SCAMP1: variants seen among roughly 807,000 people sequenced by gnomAD.
SCAMP1 encodes secretory carrier membrane protein 1, also known as secretory carrier-associated membrane protein 1.
Under a neutral mutation model 41.8 loss-of-function variants are expected in SCAMP1, and 15 were observed. That is an observed-to-expected ratio of 0.36 (90% CI 0.24 to 0.55). SCAMP1 has a LOEUF of 0.55. Among genes scored for constraint, SCAMP1 ranks in the 20% least tolerant of loss-of-function variants. SCAMP1 has a pLI of 0.86. For missense variants in SCAMP1, 341 were observed against 412.6 expected, an observed-to-expected ratio of 0.83 and a Z score of 1.50; for synonymous variants, 135 against 136.8, an observed-to-expected ratio of 0.99 and a Z score of 0.09.
At chr5:78,377,191 A>G (rs764591528) in intron 1 of SCAMP1, among the ~76,000 whole-genome samples, 1 of 152,190 alleles carries the variant, frequency 6.6e-6, no homozygotes, top group Non-Finnish European at 1.5e-5. Flanking sequence ...ACCAGTTAAA[A>G]TAACAGTAAC....
intron 1 of SCAMP1, among the ~76,000 whole-genome samples, chr5:78,367,504 A>G (rs968668934): frequency 6.6e-6 from 1 of 152,188 alleles, no homozygotes; most frequent in Non-Finnish European, 1.5e-5. Flanking sequence ...TCTACTAGTA[A>G]TAAATGGGCT....
intron 1 of SCAMP1, among the ~76,000 whole-genome samples, chr5:78,382,958 A>G (rs1219267445): frequency 1.3e-5 from 2 of 151,292 alleles, no homozygotes; most frequent in Non-Finnish European, 2.9e-5. Context: ...CTTTGGATTG[A>G]TATCCAGGAG....
Position 78,445,770 on chromosome 5 carries a change from G to A in SCAMP1, c.633-4163G>A, listed in dbSNP as rs370729627. Among the ~76,000 whole-genome samples the A allele has an allele frequency of 3.9e-5, 6 of 152,096 alleles. No individual in the cohort carries two copies. In the East Asian group the frequency reaches 7.7e-4, roughly 20 times the overall value. On this transcript the variant is annotated intron_variant, in intron 6 of 8. Transcript: ENST00000621999. ...CATCTGAAAGGAACTTGATATTCAC[G>A]TGATGATTGTATTGCTTCATTTTGT...
intron 6 of SCAMP1, among the ~76,000 whole-genome samples, chr5:78,425,825 A>G (rs1172766798): frequency 6.6e-6 from 1 of 152,148 alleles, no homozygotes; most frequent in Admixed American, 6.5e-5. Flanking sequence ...CATGCGCAGA[A>G]TGTGCAGGTC....
intron 6 of SCAMP1, among the ~76,000 whole-genome samples, chr5:78,424,806 A>T (rs1374885632): frequency 6.6e-6 from 1 of 152,228 alleles, no homozygotes; most frequent in Non-Finnish European, 1.5e-5. Context: ...ATGCAAATAC[A>T]TCAAAATATT....
At chr5:78,467,085 G>A (rs1290463457) in intron 8 of SCAMP1, among the ~76,000 whole-genome samples, 1 of 152,126 alleles carries the variant, frequency 6.6e-6, no homozygotes, top group Non-Finnish European at 1.5e-5. Context: ...AACTGGTGGG[G>A]CATTAAAATA....
chr5:78,438,326 T>C (rs1045446540), intron 6 of SCAMP1, among the ~76,000 whole-genome samples: 52 of 152,360 alleles, frequency 3.4e-4, no homozygotes, highest in African/African-American at 1.2e-3. Context: ...TTTTAGATCT[T>C]TCCTGCTTTC....
intron 6 of SCAMP1, among the ~76,000 whole-genome samples, chr5:78,445,316 T>C (rs1753027077): frequency 6.6e-6 from 1 of 152,250 alleles, no homozygotes; most frequent in African/African-American, 2.4e-5. Flanking sequence ...CAGTAGGCTT[T>C]GATCTGAAAG....
chr5:78,392,724 T>C (rs767316812), intron 2 of SCAMP1, among the ~76,000 whole-genome samples: 1 of 152,244 alleles, frequency 6.6e-6, no homozygotes, highest in Non-Finnish European at 1.5e-5. Flanking sequence ...CATTTTCCTC[T>C]GCACTGTTAA....
chr5:78,414,525 C>G (rs1283942770), intron 2 of SCAMP1, among the ~76,000 whole-genome samples: 3 of 152,150 alleles, frequency 2.0e-5, no homozygotes, highest in African/African-American at 7.2e-5. Flanking sequence ...TTGTGATCCA[C>G]TTGCCTCGGC....
chr5:78,367,437 G>A (rs532640427), intron 1 of SCAMP1, among the ~76,000 whole-genome samples: 1 of 152,298 alleles, frequency 6.6e-6, no homozygotes, highest in African/African-American at 2.4e-5. Context: ...TCAAGTGCCT[G>A]CTGGTTACCT....
intron 7 of SCAMP1, among the ~76,000 whole-genome samples, chr5:78,452,273 C>T (rs1174429061): frequency 6.8e-5 from 10 of 146,846 alleles, no homozygotes; most frequent in East Asian, 4.0e-4. Context: ...CATGCTGGTG[C>T]GCTGCACCCA....
chr5:78,460,863 G>A (rs1280264325), intron 8 of SCAMP1, among the ~76,000 whole-genome samples: 1 of 138,912 alleles, frequency 7.2e-6, no homozygotes, highest in Non-Finnish European at 1.5e-5. Context: ...CTGTCTTCCT[G>A]TCTCTTTTGT....
At chr5:78,405,355 G>A (rs770608611) in intron 2 of SCAMP1, among the ~76,000 whole-genome samples, 43 of 151,976 alleles carry the variant, frequency 2.8e-4, no homozygotes, top group Non-Finnish European at 5.4e-4. Context: ...TGTCTAGCAC[G>A]CTGATTCCTC....
intron 6 of SCAMP1, among the ~76,000 whole-genome samples, chr5:78,444,731 C>G (rs938952391): frequency 6.6e-6 from 1 of 152,154 alleles, no homozygotes; most frequent in Non-Finnish European, 1.5e-5. Flanking sequence ...GACATTACTT[C>G]TGTGAGCAAA....
intron 2 of SCAMP1, among the ~76,000 whole-genome samples, chr5:78,410,632 A>C (rs1388343956): frequency 3.9e-5 from 6 of 152,114 alleles, no homozygotes; most frequent in Non-Finnish European, 7.4e-5. Context: ...TTTGTAGTAG[A>C]ATGATTTATA....
intron 6 of SCAMP1, among the ~76,000 whole-genome samples, chr5:78,422,626 G>T (rs1261618009): frequency 6.6e-6 from 1 of 151,886 alleles, no homozygotes; most frequent in Non-Finnish European, 1.5e-5. Context: ...ATAAGGTTAA[G>T]CAAGTTTCTT....
chr5:78,477,783 AT>A lies in SCAMP1; in HGVS notation c.*2116del, dbSNP rs1437624685. ...TGAGAGAGAAAATTGTTTTTTAAAA[AT>A]ATATGTGCATTGAAATGATGGCAAT... is the stretch of plus-strand genomic sequence containing the variant. On this transcript the variant is annotated 3_prime_UTR_variant, in exon 9 of 9. Coordinates refer to ENST00000621999, the MANE Select transcript of SCAMP1 (RefSeq NM_004866.6). 6.6e-6 allele frequency: 1 copy of A among 152,162 alleles called. No homozygotes were observed. The highest frequency in any genetic ancestry group is 2.4e-5 in the African/African-American group (1 of 41,450). The allele number at this position is 152,162 out of a possible 1,614,324, so 9.4% of individuals were successfully genotyped here. A position where few individuals can be genotyped will look rare whatever the true frequency, so the allele number is the denominator to read the frequency against.
intron 8 of SCAMP1, among the ~76,000 whole-genome samples, chr5:78,461,624 C>T (rs182508041): frequency 2.8e-4 from 43 of 152,190 alleles, no homozygotes; most frequent in African/African-American, 9.6e-4. Flanking sequence ...TGCAGTGGCA[C>T]AATCTCGGCT....
Sources: allele counts gnomAD v4.1 joint callset (sites outside exome capture counted in the v4.1 genomes callset), GRCh38; gene constraint gnomAD v4.1.1; transcripts MANE v1.5; gene names NCBI Gene and HGNC (gene_info 2026-07-23, HGNC 2026-07-21).